The following SNX29 variants were observed in gnomAD, a reference collection of about 807,000 sequenced individuals.
SNX29 encodes sorting nexin 29.
A neutral mutation model predicts 102.1 loss-of-function variants in SNX29; 78 were observed. The ratio of observed to expected loss-of-function variants is 0.76; its 90% CI spans 0.64 to 0.92. The LOEUF (loss-of-function observed/expected upper bound fraction) is 0.92. SNX29 is among the 40% of genes least tolerant of loss of function. The pLI is 0.00. For missense variants in SNX29, 1,280 were observed against 1,061.7 expected (o/e 1.21, Z -2.86); for synonymous variants, 580 against 414.5 (o/e 1.40, Z -4.85).
chr16:12,188,446 T>A (rs2076565631), intron 13 of SNX29, among the ~76,000 whole-genome samples: 1 of 151,922 alleles, frequency 6.6e-6, no homozygotes, highest in African/African-American at 2.4e-5. Flanking sequence ...GCCAGAGGAG[T>A]AGCTTATGTA....
At chr16:12,036,311 G>A (rs1287942054) in intron 4 of SNX29, among the ~76,000 whole-genome samples, 1 of 147,516 alleles carries the variant, frequency 6.8e-6, no homozygotes, top group African/African-American at 2.5e-5. Context: ...CTGGTCTTGG[G>A]TTTTCTGTGT....
At chr16:12,488,876 C>A (rs1055905117) in intron 19 of SNX29, among the ~76,000 whole-genome samples, 5 of 152,224 alleles carry the variant, frequency 3.3e-5, no homozygotes, top group Admixed American at 6.5e-5. Flanking sequence ...TCACTCATTT[C>A]AGGCTGAGTT....
chr16:12,444,449 C>G (rs974638853), intron 18 of SNX29, among the ~76,000 whole-genome samples: 1 of 152,236 alleles, frequency 6.6e-6, no homozygotes, highest in African/African-American at 2.4e-5. Context: ...GAGCCTGCAG[C>G]CTCATCTGCA....
chr16:12,438,106 C>G (rs1425883569), intron 18 of SNX29, among the ~76,000 whole-genome samples: 1 of 152,098 alleles, frequency 6.6e-6, no homozygotes, highest in Non-Finnish European at 1.5e-5. Flanking sequence ...AGATTCACCT[C>G]TTGGCCTAGC....
chr16:12,182,448 C>T (rs912540846), intron 13 of SNX29, among the ~76,000 whole-genome samples: 11 of 152,120 alleles, frequency 7.2e-5, no homozygotes, highest in Admixed American at 2.6e-4. Context: ...AGTAATTACT[C>T]TGATGGCTGC....
At chr16:12,505,525 A>G (rs1294605116) in intron 19 of SNX29, among the ~76,000 whole-genome samples, 2 of 152,220 alleles carry the variant, frequency 1.3e-5, no homozygotes, top group Non-Finnish European at 2.9e-5. Context: ...TATTTTGTAT[A>G]TTCGAGGTTT....
In SNX29 at chr16:12,048,704, C is replaced by T. The variant is rs141613856; in HGVS notation, c.748+84C>T. On this transcript the variant is annotated intron_variant, in intron 7 of 20. Transcript: ENST00000566228. Reference sequence around the variant, plus strand: ...TGGACATATCTTGTCATCTGAAAGTCATTCCAAGGGGAATGGAGTCCAGTG... The same window carrying T: ...TGGACATATCTTGTCATCTGAAAGTTATTCCAAGGGGAATGGAGTCCAGTG... 2.4e-3 allele frequency: 3,821 copies of T among 1,609,008 alleles called. 78 individuals carry two copies. In the African/African-American group the frequency reaches 0.046, roughly 19 times the overall value.
chr16:12,205,675 G>A (rs1263461585), intron 14 of SNX29, among the ~76,000 whole-genome samples: 1 of 152,174 alleles, frequency 6.6e-6, no homozygotes, highest in East Asian at 1.9e-4. Flanking sequence ...CCTCTTGACT[G>A]CCCTGTCTTA....
Position 12,002,912 on chromosome 16 carries a change from A to C in SNX29, c.70-79A>C, listed in dbSNP as rs898385662. Reference sequence around the variant, plus strand: ...TCCCGTGTCCCCTCCCTGACCCTTAAGCCCTGTGTAGGCTGTTTTATGACG... The same window carrying C: ...TCCCGTGTCCCCTCCCTGACCCTTACGCCCTGTGTAGGCTGTTTTATGACG... On this transcript the variant is annotated intron_variant, in intron 2 of 20. Coordinates refer to ENST00000566228, the MANE Select transcript of SNX29 (RefSeq NM_032167.5). 63 of 1,551,076 alleles carry C rather than the reference A, an allele frequency of 4.1e-5. 1 individual carries two copies. In the South Asian group the frequency reaches 6.3e-4, roughly 15 times the overall value.
intron 14 of SNX29, among the ~76,000 whole-genome samples, chr16:12,263,956 A>C (rs1389692829): frequency 1.3e-5 from 2 of 152,164 alleles, no homozygotes; most frequent in Non-Finnish European, 2.9e-5. Context: ...TCTATTAATG[A>C]CTTCAATGAC....
chr16:12,460,957 T>G (rs1438395117), intron 18 of SNX29, among the ~76,000 whole-genome samples: 11 of 152,360 alleles, frequency 7.2e-5, no homozygotes, highest in African/African-American at 2.6e-4. Flanking sequence ...GTGAACTTCT[T>G]TAGAACAGGC....
At chr16:12,308,157 C>T (rs191680509) in intron 15 of SNX29, among the ~76,000 whole-genome samples, 86 of 152,288 alleles carry the variant, frequency 5.6e-4, no homozygotes, top group Non-Finnish European at 9.1e-4. Flanking sequence ...GGGTTTTTCC[C>T]CAACCAACAG....
intron 14 of SNX29, among the ~76,000 whole-genome samples, chr16:12,258,853 A>G (rs962445629): frequency 6.6e-6 from 1 of 152,264 alleles, no homozygotes; most frequent in East Asian, 1.9e-4. Context: ...ATATATAATG[A>G]GACACCAAGG....
intron 4 of SNX29, among the ~76,000 whole-genome samples, chr16:12,037,927 C>G (rs1251998444): frequency 1.3e-5 from 2 of 151,938 alleles, no homozygotes; most frequent in African/African-American, 4.8e-5. Flanking sequence ...TGTGCTCTAG[C>G]CTGGGCGACA....
intron 20 of SNX29, among the ~76,000 whole-genome samples, chr16:12,559,128 C>CCT (rs2078560808): frequency 6.6e-6 from 1 of 152,220 alleles, no homozygotes; most frequent in Admixed American, 6.5e-5. Flanking sequence ...GGCTTGGATC[C>CCT]CTCTTCTGGT....
At chr16:12,212,855 G>A (rs949949490) in intron 14 of SNX29, among the ~76,000 whole-genome samples, 4 of 152,088 alleles carry the variant, frequency 2.6e-5, no homozygotes, top group Non-Finnish European at 5.9e-5. Flanking sequence ...GGCTCATGCC[G>A]GTAATCCCAG....
At chr16:12,392,068 A>G (rs1206821686) in intron 16 of SNX29, among the ~76,000 whole-genome samples, 1 of 152,244 alleles carries the variant, frequency 6.6e-6, no homozygotes, top group Non-Finnish European at 1.5e-5. Flanking sequence ...TCATGCATAT[A>G]GACACGTGTG....
At chr16:12,060,266 A>G (rs376580457) in intron 8 of SNX29, among the ~76,000 whole-genome samples, 1 of 152,290 alleles carries the variant, frequency 6.6e-6, no homozygotes, top group East Asian at 1.9e-4. Context: ...ATGTGGGAGG[A>G]TGTGCTTATG....
intron 17 of SNX29, among the ~76,000 whole-genome samples, chr16:12,402,108 C>T (rs1256892819): frequency 1.3e-5 from 2 of 152,214 alleles, no homozygotes; most frequent in African/African-American, 4.8e-5. Flanking sequence ...TGATTAGATA[C>T]ACAAACCAGT....
Sources: gnomAD v4.1 joint callset for allele counts (sites outside exome capture counted in the v4.1 genomes callset) on GRCh38, gnomAD v4.1.1 for gene constraint, MANE v1.5 for transcripts, NCBI Gene and HGNC (gene_info 2026-07-23, HGNC 2026-07-21) for gene names.